The following ZNF385D variants were observed in gnomAD, a reference collection of about 807,000 sequenced individuals.
ZNF385D encodes the protein zinc finger protein 385D.
ZNF385D carries 15 observed loss-of-function variants against 35.8 expected under a neutral mutation model. That is an observed-to-expected ratio of 0.42 (90% CI 0.28 to 0.64). ZNF385D has a LOEUF of 0.64. Ranked by LOEUF, ZNF385D falls within the 30% of genes least tolerant of loss-of-function variation. The pLI is 0.23. For synonymous variants in ZNF385D, 212 were observed against 186.8 expected (o/e 1.13, Z -1.10); for missense variants, 474 against 494.6 (o/e 0.96, Z 0.39).
intron 2 of ZNF385D, among the ~76,000 whole-genome samples, chr3:22,299,380 T>A (rs1702773789): frequency 6.6e-6 from 1 of 151,870 alleles, no homozygotes; most frequent in Non-Finnish European, 1.5e-5. Flanking sequence ...GCATGCTGAA[T>A]ATTTTTCCTA....
intron 3 of ZNF385D, among the ~76,000 whole-genome samples, chr3:22,139,528 C>A (rs1181566558): frequency 2.6e-5 from 4 of 151,744 alleles, no homozygotes; most frequent in Non-Finnish European, 5.9e-5. Context: ...ACAAACCAAA[C>A]ACCTCATGTT....
At chr3:21,827,126 C>G (rs901153020) in intron 3 of ZNF385D, among the ~76,000 whole-genome samples, 1 of 152,140 alleles carries the variant, frequency 6.6e-6, no homozygotes, top group South Asian at 2.1e-4. Context: ...GTCATACATG[C>G]AATATACTTT....
chr3:22,076,249 T>A (rs927378444), intron 3 of ZNF385D, among the ~76,000 whole-genome samples: 1 of 151,874 alleles, frequency 6.6e-6, no homozygotes, highest in East Asian at 1.9e-4. Flanking sequence ...TAAAGATACA[T>A]TCTTTATCCT....
chr3:21,767,353 T>G (rs1308171335), intron 3 of ZNF385D, among the ~76,000 whole-genome samples: 1 of 149,188 alleles, frequency 6.7e-6, no homozygotes, highest in African/African-American at 2.5e-5. Flanking sequence ...CAACTGCCAC[T>G]TGTCTCTGAC....
chr3:21,540,697 T>C (rs1277753623), intron 3 of ZNF385D, among the ~76,000 whole-genome samples: 2 of 152,194 alleles, frequency 1.3e-5, no homozygotes, highest in African/African-American at 4.8e-5. Flanking sequence ...TCCACAGATT[T>C]CGTAAACAAG....
At chr3:22,292,283 G>T (rs187931729) in intron 2 of ZNF385D, among the ~76,000 whole-genome samples, 1 of 151,942 alleles carries the variant, frequency 6.6e-6, no homozygotes, top group Non-Finnish European at 1.5e-5. Context: ...TTTTGTTGTT[G>T]CTTCAATATA....
chr3:21,774,720 G>A (rs1214647860), intron 3 of ZNF385D, among the ~76,000 whole-genome samples: 1 of 151,898 alleles, frequency 6.6e-6, no homozygotes, highest in Non-Finnish European at 1.5e-5. Flanking sequence ...AGGAGTAGAT[G>A]TAATTAAGAA....
chr3:22,209,723 C>T (rs983972879), intron 2 of ZNF385D, among the ~76,000 whole-genome samples: 1 of 150,534 alleles, frequency 6.6e-6, no homozygotes, highest in Admixed American at 6.7e-5. Flanking sequence ...TAGGTACACT[C>T]ATTTACTTGG....
intron 2 of ZNF385D, among the ~76,000 whole-genome samples, chr3:21,590,533 C>T (rs963713288): frequency 6.6e-6 from 1 of 150,570 alleles, no homozygotes; most frequent in Non-Finnish European, 1.5e-5. Context: ...TTATAATGAA[C>T]GTTTGAAAAT....
intron 4 of ZNF385D, among the ~76,000 whole-genome samples, chr3:21,450,108 C>T (rs1702369854): frequency 1.3e-5 from 2 of 152,258 alleles, no homozygotes; most frequent in South Asian, 4.1e-4. Context: ...AGCATGAAGT[C>T]CTTACCTCCT....
chr3:22,147,249 A>G (rs1704919299), intron 3 of ZNF385D, among the ~76,000 whole-genome samples: 1 of 152,184 alleles, frequency 6.6e-6, no homozygotes, highest in Non-Finnish European at 1.5e-5. Context: ...CTGGTAAGAT[A>G]TGAATTTTCC....
chr3:21,729,593 C>T (rs903547819), intron 1 of ZNF385D, among the ~76,000 whole-genome samples: 1 of 152,176 alleles, frequency 6.6e-6, no homozygotes, highest in East Asian at 1.9e-4. Flanking sequence ...ACTTACTAGA[C>T]TGGGTTTCTG....
At chr3:21,608,012 C>CTTCTTTTTT (rs2064536095) in intron 2 of ZNF385D, among the ~76,000 whole-genome samples, 9 of 123,954 alleles carry the variant, frequency 7.3e-5, no homozygotes, top group African/African-American at 2.8e-4. Flanking sequence ...TCTTTTTCTT[C>CTTCTTTTTT]TTTTTTTTTT....
chr3:22,227,223 G>T (rs1383486854), intron 2 of ZNF385D, among the ~76,000 whole-genome samples: 2 of 151,970 alleles, frequency 1.3e-5, no homozygotes, highest in Admixed American at 1.3e-4. Flanking sequence ...AAGGTTCCTA[G>T]TTCCTAACTC....
At chr3:22,171,503 G>A (rs918494226) in intron 2 of ZNF385D, among the ~76,000 whole-genome samples, 4 of 152,064 alleles carry the variant, frequency 2.6e-5, no homozygotes, top group African/African-American at 9.7e-5. Context: ...AACTTTAAAA[G>A]GAAATAGAAA....
chr3:21,967,820 G>A (rs538088988), intron 3 of ZNF385D, among the ~76,000 whole-genome samples: 24 of 152,304 alleles, frequency 1.6e-4, no homozygotes, highest in Non-Finnish European at 2.8e-4. Flanking sequence ...TAAGATGGCT[G>A]AACAGAAACC....
At chr3:21,490,313 G>A (rs2125404210) in intron 4 of ZNF385D, among the ~76,000 whole-genome samples, 2 of 152,190 alleles carry the variant, frequency 1.3e-5, no homozygotes, top group South Asian at 4.1e-4. Context: ...CAACAGGTGT[G>A]TGTCACCACG....
At position 21,888,657 on chromosome 3, in the gene ZNF385D, A is replaced by T. The variant is rs1233349063; in HGVS notation, c.326-223629T>A. Among the ~76,000 whole-genome samples, 5 of 152,332 alleles carry T rather than the reference A, an allele frequency of 3.3e-5. No homozygotes were observed. In the East Asian group the frequency reaches 9.6e-4, roughly 29 times the overall value. On this transcript the variant is annotated intron_variant, in intron 3 of 5. Transcript: ENST00000494108. ...TTTCAGGAAGCTTGGCTAAAAAGGAAACAGAAAAAAGGGAGAAGGGCAAGT... is the reference window on the plus strand; with the variant it reads ...TTTCAGGAAGCTTGGCTAAAAAGGATACAGAAAAAAGGGAGAAGGGCAAGT...
At chr3:21,511,684 C>T (rs1559361731) in intron 3 of ZNF385D, 1 of 456,508 alleles carries the variant, frequency 2.2e-6, no homozygotes, top group African/African-American at 2.0e-5. Context: ...TTTCATGCCC[C>T]AGTCCATTGT....
Sources: gnomAD v4.1 joint callset for allele counts (sites outside exome capture counted in the v4.1 genomes callset) on GRCh38, gnomAD v4.1.1 for gene constraint, MANE v1.5 for transcripts, NCBI Gene and HGNC (gene_info 2026-07-23, HGNC 2026-07-21) for gene names.